SOX6: variants seen among roughly 807,000 people sequenced by gnomAD.
SOX6 encodes the protein SRY-box transcription factor 6.
A neutral mutation model predicts 97.8 loss-of-function variants in SOX6; 11 were observed. The ratio of observed to expected loss-of-function variants is 0.11; its 90% CI spans 0.07 to 0.19. The LOEUF is 0.19. Among genes scored for constraint, SOX6 ranks in the 10% least tolerant of loss-of-function variants. The pLI is 1.00. For missense variants in SOX6, 810 were observed against 1,039.5 expected, an observed-to-expected ratio of 0.78 and a Z score of 3.04; for synonymous variants, 360 against 371.4, an observed-to-expected ratio of 0.97 and a Z score of 0.35.
At chr11:16,559,725 T>C (rs1380234503) in intron 4 of SOX6, among the ~76,000 whole-genome samples, 4 of 152,130 alleles carry the variant, frequency 2.6e-5, no homozygotes, top group African/African-American at 4.8e-5. Flanking sequence ...CTTTACCCCT[T>C]CCTCTCATTT....
chr11:15,980,179 T>A (rs1853616310), intron 15 of SOX6, among the ~76,000 whole-genome samples: 1 of 152,096 alleles, frequency 6.6e-6, no homozygotes, highest in East Asian at 1.9e-4. Context: ...GGGAGATTTG[T>A]TCTAGGAGAC....
At chr11:16,734,027 A>C (rs1265320098) in intron 2 of SOX6, among the ~76,000 whole-genome samples, 2 of 122,890 alleles carry the variant, frequency 1.6e-5, no homozygotes, top group South Asian at 4.7e-4. Context: ...ACTTTGTCTC[A>C]AAAAAAAAAA....
At chr11:16,614,058 GA>G (rs1467589553) in intron 3 of SOX6, among the ~76,000 whole-genome samples, 2 of 152,200 alleles carry the variant, frequency 1.3e-5, no homozygotes, top group East Asian at 3.9e-4. Context: ...GGAATCGAGC[GA>G]AGGCGAACTC....
chr11:16,661,508 T>TA (rs886223232), intron 3 of SOX6, among the ~76,000 whole-genome samples: 41 of 152,152 alleles, frequency 2.7e-4, no homozygotes, highest in Middle Eastern at 3.4e-3. Context: ...TTTTTTCTTT[T>TA]AAAAAAAATC....
At chr11:16,654,437 G>A (rs1298574110) in intron 3 of SOX6, among the ~76,000 whole-genome samples, 2 of 151,924 alleles carry the variant, frequency 1.3e-5, no homozygotes, top group African/African-American at 4.8e-5. Flanking sequence ...CTCCCAAAGT[G>A]CTGGAAGCCA....
At chr11:16,507,461 CA>C (rs1277152981) in intron 4 of SOX6, among the ~76,000 whole-genome samples, 1 of 151,982 alleles carries the variant, frequency 6.6e-6, no homozygotes, top group African/African-American at 2.4e-5. Context: ...ATAGCCAAAC[CA>C]ATACTAAGCA....
intron 6 of SOX6, among the ~76,000 whole-genome samples, chr11:16,132,433 G>A (rs866204216): frequency 1.2e-5 from 1 of 80,606 alleles, no homozygotes; most frequent in Non-Finnish European, 2.3e-5. Flanking sequence ...AAGAAAGAAA[G>A]AAAGAAAGAA....
intron 1 of SOX6, among the ~76,000 whole-genome samples, chr11:16,449,543 C>G (rs1859680884): frequency 6.6e-6 from 1 of 152,116 alleles, no homozygotes; most frequent in Non-Finnish European, 1.5e-5. Context: ...CTGCCCGCCT[C>G]GGCCTCCCAA....
intron 4 of SOX6, among the ~76,000 whole-genome samples, chr11:16,225,478 C>CAAA (rs11307642): frequency 5.5e-5 from 7 of 127,940 alleles, no homozygotes; most frequent in African/African-American, 8.7e-5. Flanking sequence ...AATTGCTATT[C>CAAA]AAAAAAAAAA....
intron 1 of SOX6, among the ~76,000 whole-genome samples, chr11:16,454,496 A>G (rs1859779226): frequency 6.6e-6 from 1 of 152,044 alleles, no homozygotes; most frequent in South Asian, 2.1e-4. Flanking sequence ...TAAGTTTATG[A>G]TGACTCTTGC....
chr11:16,533,590 T>C (rs938094084), intron 4 of SOX6, among the ~76,000 whole-genome samples: 2 of 152,044 alleles, frequency 1.3e-5, no homozygotes, highest in Non-Finnish European at 2.9e-5. Flanking sequence ...TTAAAGATTA[T>C]ATACCCTCAT....
rs1189652594 is a variant in SOX6 at position 16,166,374 on chromosome 11, G to T, written c.777+17512C>A. Among the ~76,000 whole-genome samples the T allele has an allele frequency of 4.6e-5, 7 of 152,166 alleles. No individual in the cohort carries two copies. In the East Asian group the frequency reaches 1.3e-3, roughly 29 times the overall value. ...TATTTTAGTACAATTTGTTTCATAT[G>T]TGTGCTTCTGCAATATTTGCTTCAA... On this transcript the variant is annotated intron_variant, in intron 6 of 15. Transcript: ENST00000683767.
intron 6 of SOX6, among the ~76,000 whole-genome samples, chr11:16,138,713 A>G (rs1350402934): frequency 7.0e-6 from 1 of 142,942 alleles, no homozygotes; most frequent in South Asian, 2.2e-4. Context: ...CTCCCACCCC[A>G]CAACAGTCCC....
chr11:16,725,993 T>C (rs1484670249), intron 2 of SOX6, among the ~76,000 whole-genome samples: 2 of 152,210 alleles, frequency 1.3e-5, no homozygotes, highest in East Asian at 3.8e-4. Context: ...CCTTTTCTAT[T>C]TGAACTGTCT....
intron 1 of SOX6, among the ~76,000 whole-genome samples, chr11:16,376,733 G>C (rs978237804): frequency 3.3e-5 from 5 of 152,066 alleles, no homozygotes; most frequent in African/African-American, 1.2e-4. Context: ...TGCAGACCCA[G>C]GACAGATCAA....
At chr11:16,711,655 T>C (rs1590060871) in intron 3 of SOX6, among the ~76,000 whole-genome samples, 2 of 152,268 alleles carry the variant, frequency 1.3e-5, no homozygotes, top group Admixed American at 6.5e-5. Context: ...CAGTCTCCCC[T>C]GTTTTCACTA....
At chr11:16,553,535 G>A (rs1467855913) in intron 4 of SOX6, among the ~76,000 whole-genome samples, 2 of 152,004 alleles carry the variant, frequency 1.3e-5, no homozygotes, top group Non-Finnish European at 2.9e-5. Context: ...TGAACAATGA[G>A]GGCAGCCAGG....
intron 1 of SOX6, among the ~76,000 whole-genome samples, chr11:16,383,927 A>C (rs556309172): frequency 2.0e-5 from 3 of 152,070 alleles, no homozygotes; most frequent in African/African-American, 7.2e-5. Context: ...AAAAATGCAG[A>C]CACAAGAACT....
intron 1 of SOX6, among the ~76,000 whole-genome samples, chr11:16,378,922 A>G (rs1857724382): frequency 6.6e-6 from 1 of 152,138 alleles, no homozygotes. Context: ...ATACTTTGTG[A>G]TAGGCTATTC....
Sources: allele counts gnomAD v4.1 joint callset (sites outside exome capture counted in the v4.1 genomes callset), GRCh38; gene constraint gnomAD v4.1.1; transcripts MANE v1.5; gene names NCBI Gene and HGNC (gene_info 2026-07-23, HGNC 2026-07-21).